Variants in CYP1B1 observed in about 807,000 individuals in gnomAD.
CYP1B1 encodes cytochrome P450 family 1 subfamily B member 1.
In CYP1B1, 22 loss-of-function variants were observed where a neutral mutation model predicts 29.9. The observed-to-expected ratio is 0.74, with a 90% CI of 0.53 to 1.05. The LOEUF is 1.05. Among genes scored for constraint, CYP1B1 ranks in the 50% least tolerant of loss-of-function variants. The pLI, the probability that CYP1B1 is intolerant of heterozygous loss-of-function variation, is 0.00. For missense variants in CYP1B1, 883 were observed against 746.9 expected (o/e 1.18, Z -2.12); for synonymous variants, 375 against 320.0 (o/e 1.17, Z -1.83).
rs937119784 is a variant in CYP1B1, at chr2:38,075,295, T to C, written c.94A>G (p.Thr32Ala). 6.2e-7 allele frequency: 1 copy of C among 1,610,316 alleles called. No homozygotes were observed. Residue 32 changes from threonine to alanine, a missense_variant, in exon 2 of 3, where the codon ACT (threonine) becomes GCT (alanine). Thr to Ala is a moderately conservative substitution (Grantham distance 58). Transcript: ENST00000610745. ...TLLLLLSVLA[T>A]VHVGQRLLRQ... Reference sequence around the variant, plus strand: ...AGCAGCCGCTGGCCCACATGCACAGTGGCCAGCACCGACAGGAGTAGCAGG... The same window carrying C: ...AGCAGCCGCTGGCCCACATGCACAGCGGCCAGCACCGACAGGAGTAGCAGG...
chr2:38,074,264 C>T (rs1258236271), intron 2 of CYP1B1, 82 bp downstream of exon 2: 1 of 1,484,712 alleles, frequency 6.7e-7, no homozygotes, highest in Non-Finnish European at 9.2e-7. Context: ...CGGGGCCCTG[C>T]TTGCAAACTC....
chr2:38,074,461 C>G lies in CYP1B1; in HGVS notation c.928G>C (p.Gly310Arg). ...AEKKAAGDSH[G>R]GGARLDLENV... ...TCCAAATCCAGCCGCGCGCCACCAC[C>G]GTGCGAGTCCCCGGCCGCCTTCTTT... is the stretch of plus-strand genomic sequence containing the variant. Residue 310 changes from glycine to arginine, a missense_variant, in exon 2 of 3, where the codon GGT becomes CGT. Coordinates refer to ENST00000610745, the MANE Select transcript of CYP1B1 (RefSeq NM_000104.4). 1 of 1,613,148 alleles carries G rather than the reference C, an allele frequency of 6.2e-7. No homozygotes were observed. The highest frequency in any genetic ancestry group is 8.5e-7 in the Non-Finnish European group (1 of 1,179,806).
Position 38,071,115 on chromosome 2 carries a change from G to T in CYP1B1, c.1239C>A (p.His413Gln). The part of the protein sequence containing the change: ...TTANTSVLGY[H>Q]IPKDTVVFVN... ...CAAAAACCACAGTGTCCTTGGGAAT[G>T]TGGTAGCCCAAGACAGAGGTGTTGG... Residue 413 changes from histidine (H) to glutamine (Q), a missense_variant, in exon 3 of 3, where the codon CAC (histidine) becomes CAA (glutamine). By Grantham distance (24) the His-to-Gln change is conservative. Transcript: ENST00000610745. 1 of 1,613,410 alleles carries T rather than the reference G, an allele frequency of 6.2e-7. No homozygotes were observed. The highest frequency in any genetic ancestry group is 8.5e-7 in the Non-Finnish European group (1 of 1,179,312).
In CYP1B1 at chr2:38,070,738, T is replaced by G. The variant is rs72549371; in HGVS notation, c.1616A>C (p.Lys539Thr). ...LDSAVQNLQA[K>T]ETCQ ...TCTTGCTTCTTATTGGCAAGTTTCC[T>G]TGGCTTGTAAATTTTGGACAGCACT... The change falls in exon 3 of 3, where the codon AAG becomes ACG. Residue 539 changes from lysine (K) to threonine (T), a missense_variant. By Grantham distance (78) the Lys-to-Thr change is moderately conservative. Coordinates refer to ENST00000610745, the MANE Select transcript of CYP1B1 (RefSeq NM_000104.4). 1.2e-6 allele frequency: 2 copies of G among 1,614,084 alleles called. No individual in the cohort carries two copies. The highest frequency in any genetic ancestry group is 1.7e-6 in the Non-Finnish European group (2 of 1,180,006).
chr2:38,072,822 T>G (rs964055520), intron 2 of CYP1B1, among the ~76,000 whole-genome samples: 17 of 152,238 alleles, frequency 1.1e-4, no homozygotes, highest in African/African-American at 4.1e-4. Flanking sequence ...TGGGCATGAC[T>G]GCGTCAATAA....
At position 38,075,023 on chromosome 2, in the gene CYP1B1, G is replaced by C; in HGVS notation, c.366C>G (p.Ser122=). 1 of 1,591,916 alleles carries C rather than the reference G, an allele frequency of 6.3e-7. No homozygotes were observed. Among genetic ancestry groups the C allele is most frequent in the Non-Finnish European group, 8.5e-7 (1 of 1,177,050 alleles). ...SAFADRPAFA[S]FRVVSGGRSM... ...TGCGGCCGCCGGACACCACACGGAA[G>C]GAGGCGAAGGCCGGCCGGTCGGCGA... The change falls in exon 2 of 3, where the codon TCC becomes TCG. Residue 122 remains serine (S), a synonymous_variant. Transcript: ENST00000610745.
chr2:38,070,816 G>T lies in CYP1B1; in HGVS notation c.1538C>A (p.Pro513His). The T allele has an allele frequency of 6.2e-7, 1 of 1,614,064 alleles. No homozygotes were observed. The highest frequency in any genetic ancestry group is 8.5e-7 in the Non-Finnish European group (1 of 1,179,940). ...MNFSYGLTIK[P>H]KSFKVNVTLR... ...AGTGACATTGACTTTAAATGACTTG[G>T]GTTTAATGGTTAGACCATAACTGAA... The change falls in exon 3 of 3, where the codon CCC becomes CAC. Residue 513 changes from proline to histidine, a missense_variant. Transcript: ENST00000610745.
intron 2 of CYP1B1, chr2:38,073,884 C>T (rs984115358): frequency 6.2e-6 from 1 of 161,200 alleles, no homozygotes; most frequent in Non-Finnish European, 1.4e-5. Context: ...GCTTTTAGCG[C>T]CAGGGCTGGG....
Position 38,070,798 on chromosome 2 carries a change from T to G in CYP1B1, c.1556A>C (p.Asn519Thr), listed in dbSNP as rs750220338. 1.2e-5 allele frequency: 19 copies of G among 1,614,254 alleles called. No homozygotes were observed. The Admixed American group carries it at 1.8e-4, about 16-fold the overall frequency. Residue 519 changes from asparagine (N) to threonine (T), a missense_variant, in exon 3 of 3, where the codon AAT (asparagine) becomes ACT (threonine). Physicochemically the swap from Asn to Thr is moderately conservative, Grantham distance 65. Transcript: ENST00000610745. ...LTIKPKSFKV[N>T]VTLRESMELL... is the part of the protein sequence containing the mutation. ...CTCCATGGACTCTCTGAGAGTGACATTGACTTTAAATGACTTGGGTTTAAT... is the reference window on the plus strand; with the variant it reads ...CTCCATGGACTCTCTGAGAGTGACAGTGACTTTAAATGACTTGGGTTTAAT...
chr2:38,075,745 A>G, intron 1 of CYP1B1, 35 bp downstream of exon 1: 1 of 323,390 alleles, frequency 3.1e-6, no homozygotes. Context: ...CCATCTGAAG[A>G]GGTCGCCGGG....
In CYP1B1 at chr2:38,075,143, G is replaced by A. The variant is rs751427341; in HGVS notation, c.246C>T (p.Gly82=). Residue 82 remains glycine (G), a synonymous_variant, in exon 2 of 3, where the codon GGC becomes GGT. Coordinates refer to ENST00000610745, the MANE Select transcript of CYP1B1 (RefSeq NM_000104.4). ...TGCCCAGGCGGATCTGGAAAACGTC[G>A]CCGTAGCGCCGCGCCAGGCGAGCGA... The part of the protein sequence containing the change: ...LSFARLARRY[G]DVFQIRLGSC... 1.3e-6 allele frequency: 2 copies of A among 1,574,442 alleles called. No individual in the cohort carries two copies. Among genetic ancestry groups the A allele is most frequent in the South Asian group, 1.1e-5 (1 of 88,176 alleles).
At position 38,070,903 on chromosome 2, in the gene CYP1B1, A is replaced by G. The variant is rs1331226476; in HGVS notation, c.1451T>C (p.Ile484Thr). The change falls in exon 3 of 3, where the codon ATC becomes ACC. Residue 484 changes from isoleucine to threonine, a missense_variant. Ile to Thr is a moderately conservative substitution (Grantham distance 89). Coordinates refer to ENST00000610745, the MANE Select transcript of CYP1B1 (RefSeq NM_000104.4). ...ATCGCACTGGTGAGCCAGGATGGAG[A>G]TGAAGAGAAAAAGCTGCATCTTAGA... ...ELSKMQLFLF[I>T]SILAHQCDFR... The G allele has an allele frequency of 1.2e-6, 2 of 1,614,170 alleles. No homozygotes were observed. Among genetic ancestry groups the G allele is most frequent in the Non-Finnish European group, 1.7e-6 (2 of 1,180,030 alleles).
chr2:38,074,100 CA>C (rs1375644408), intron 2 of CYP1B1, among the ~76,000 whole-genome samples: 1 of 151,848 alleles, frequency 6.6e-6, no homozygotes, highest in Non-Finnish European at 1.5e-5. Flanking sequence ...CACTCGCAAG[CA>C]GGGGAGGGGA....
intron 1 of CYP1B1, 124 bp downstream of exon 1, chr2:38,075,656 G>T: frequency 1.8e-6 from 1 of 569,584 alleles, no homozygotes; most frequent in Non-Finnish European, 3.1e-6. Flanking sequence ...GCAATCTGGG[G>T]ACAACGCTGC....
chr2:38,073,346 A>T (rs1203380874), intron 2 of CYP1B1: 1 of 152,236 alleles, frequency 6.6e-6, no homozygotes, highest in Admixed American at 6.5e-5. Flanking sequence ...CCAAGAAATG[A>T]CACAAAACCA....
Position 38,074,409 on chromosome 2 carries a change from A to T in CYP1B1, c.980T>A (p.Ile327Asn). The T allele has an allele frequency of 6.2e-7, 1 of 1,613,424 alleles. No homozygotes were observed. The highest frequency in any genetic ancestry group is 8.5e-7 in the Non-Finnish European group (1 of 1,179,988). The change falls in exon 2 of 3, where the codon ATC becomes AAC. Residue 327 changes from isoleucine (I) to asparagine (N), a missense_variant. Transcript: ENST00000610745. ...LENVPATITD[I>N]FGASQDTLST... ...CAGGGTGTCCTGGCTGGCGCCGAAG[A>T]TGTCAGTGATAGTGGCCGGTACGTT... is the stretch of plus-strand genomic sequence containing the variant.
chr2:38,075,006 C>A lies in CYP1B1; in HGVS notation c.383G>T (p.Gly128Val). ...PAFASFRVVSGGRSMAFGHYS... is the reference protein window; with the variant it reads ...PAFASFRVVSVGRSMAFGHYS... ...GTGGCCGAAAGCCATGCTGCGGCCG[C>A]CGGACACCACACGGAAGGAGGCGAA... The change falls in exon 2 of 3, where the codon GGC (glycine) becomes GTC (valine). Residue 128 changes from glycine (G) to valine (V), a missense_variant. Gly to Val is a moderately radical substitution (Grantham distance 109, BLOSUM62 -3). Transcript: ENST00000610745. The A allele has an allele frequency of 3.8e-6, 6 of 1,590,532 alleles. No individual in the cohort carries two copies. Among genetic ancestry groups the A allele is most frequent in the Non-Finnish European group, 5.1e-6 (6 of 1,176,428 alleles).
rs1403587068 is a variant in CYP1B1 at position 38,067,526 on chromosome 2, T to G, written c.*3196A>C. 1.2e-5 allele frequency: 2 copies of G among 165,800 alleles called. No individual in the cohort carries two copies. The highest frequency in any genetic ancestry group is 4.8e-5 in the African/African-American group (2 of 41,910). 10.3% of individuals were successfully genotyped at this position (165,800 alleles called of 1,614,324 possible). ...ATAAAATGTTTACAGTGCAATATTT[T>G]AATTGAATAATCCATAGTAATAGTT... On this transcript the variant is annotated 3_prime_UTR_variant, in exon 3 of 3. Coordinates refer to ENST00000610745, the MANE Select transcript of CYP1B1 (RefSeq NM_000104.4).
At position 38,074,940 on chromosome 2, in the gene CYP1B1, C is replaced by A; in HGVS notation, c.449G>T (p.Ser150Ile). Reference sequence around the variant, plus strand: ...GCGCGTGAAGAAGTTGCGCATCATGCTGTGGGCTGCGCGCCGCTGCACCTT... The same window carrying A: ...GCGCGTGAAGAAGTTGCGCATCATGATGTGGGCTGCGCGCCGCTGCACCTT... ...HWKVQRRAAH[S>I]MMRNFFTRQP... Residue 150 changes from serine to isoleucine, a missense_variant, in exon 2 of 3, where the codon AGC becomes ATC. Coordinates refer to ENST00000610745, the MANE Select transcript of CYP1B1 (RefSeq NM_000104.4). The A allele has an allele frequency of 6.4e-7, 1 of 1,565,438 alleles. No individual in the cohort carries two copies. The highest frequency in any genetic ancestry group is 8.6e-7 in the Non-Finnish European group (1 of 1,162,744).
Sources: allele counts gnomAD v4.1 joint callset (sites outside exome capture counted in the v4.1 genomes callset), GRCh38; gene constraint gnomAD v4.1.1; transcripts MANE v1.5; gene names NCBI Gene and HGNC (gene_info 2026-07-23, HGNC 2026-07-21).